Variants in NRXN1 observed in about 807,000 individuals in gnomAD.
The protein encoded by NRXN1 is neurexin-1.
A neutral mutation model predicts 150.9 loss-of-function variants in NRXN1; 39 were observed. The observed-to-expected ratio is 0.26, with a 90% CI of 0.20 to 0.34. The LOEUF is 0.34. Among genes scored for constraint, NRXN1 ranks in the 10% least tolerant of loss-of-function variants. The probability of loss-of-function intolerance (pLI) is 1.00; values close to 1 mark genes in which losing one functional copy is unlikely to be tolerated. For synonymous variants in NRXN1, 924 were observed against 757.0 expected (o/e 1.22, Z -3.62); for missense variants, 1,815 against 1,949.9 (o/e 0.93, Z 1.30).
intron 21 of NRXN1, among the ~76,000 whole-genome samples, chr2:50,001,198 C>T (rs1372220574): frequency 6.6e-6 from 1 of 152,068 alleles, no homozygotes; most frequent in Non-Finnish European, 1.5e-5. Context: ...TTTCAGTGTC[C>T]TTATCACAAA....
intron 8 of NRXN1, among the ~76,000 whole-genome samples, chr2:50,606,155 CAGA>C (rs1677077384): frequency 6.9e-6 from 1 of 145,552 alleles, no homozygotes; most frequent in Non-Finnish European, 1.5e-5. Flanking sequence ...CAGGCTGAGG[CAGA>C]AGAATGGTTG....
intron 19 of NRXN1, among the ~76,000 whole-genome samples, chr2:50,089,620 T>C (rs2152694698): frequency 6.6e-6 from 1 of 152,030 alleles, no homozygotes; most frequent in Non-Finnish European, 1.5e-5. Context: ...GACCCCCATC[T>C]CTACAAAAAA....
intron 11 of NRXN1, among the ~76,000 whole-genome samples, chr2:50,530,853 T>C (rs2093082217): frequency 6.6e-6 from 1 of 152,198 alleles, no homozygotes; most frequent in African/African-American, 2.4e-5. Flanking sequence ...TAAGAAGACA[T>C]GCTTTTATTT....
intron 1 of NRXN1, among the ~76,000 whole-genome samples, 175 bp downstream of exon 1, chr2:51,031,806 C>A (rs959229117): frequency 2.0e-4 from 31 of 152,080 alleles, no homozygotes; most frequent in African/African-American, 7.2e-4. Flanking sequence ...TTCTTGCCAT[C>A]TATTTAAAAG....
At chr2:50,544,963 A>G (rs1347945361) in intron 9 of NRXN1, among the ~76,000 whole-genome samples, 1 of 152,178 alleles carries the variant, frequency 6.6e-6, no homozygotes, top group Non-Finnish European at 1.5e-5. Context: ...TTTGTTACAC[A>G]GTAATTGGTA....
intron 17 of NRXN1, among the ~76,000 whole-genome samples, chr2:50,456,315 C>T (rs1311985269): frequency 6.6e-6 from 1 of 152,038 alleles, no homozygotes; most frequent in Non-Finnish European, 1.5e-5. Context: ...CTCTATAGGC[C>T]TTTTTCTGAG....
intron 5 of NRXN1, among the ~76,000 whole-genome samples, chr2:50,867,155 G>A (rs1018983669): frequency 1.3e-4 from 20 of 151,802 alleles, no homozygotes; most frequent in Non-Finnish European, 2.8e-4. Context: ...TTCACTTGAT[G>A]CATAAAACCC....
At chr2:50,564,275 G>A (rs1022912559) in intron 8 of NRXN1, among the ~76,000 whole-genome samples, 3 of 152,166 alleles carry the variant, frequency 2.0e-5, no homozygotes, top group Admixed American at 6.5e-5. Flanking sequence ...AGTCATTACT[G>A]TTGCTATTAT....
rs200513636 is a variant in NRXN1 at position 50,437,767 on chromosome 2, A to G, written c.3364+27675T>C. Among the ~76,000 whole-genome samples the G allele has an allele frequency of 9.2e-5, 14 of 152,202 alleles. No individual in the cohort carries two copies. The East Asian group carries it at 2.3e-3, about 25-fold the overall frequency. ...AGGGAAGATTTTCTAAATTACTGAC[A>G]TTTTGGTTACTAATACAACGCTGGT... On this transcript the variant is annotated intron_variant, in intron 17 of 22. Transcript: ENST00000401669.
At chr2:50,850,724 A>T (rs906066340) in intron 5 of NRXN1, among the ~76,000 whole-genome samples, 18 of 146,682 alleles carry the variant, frequency 1.2e-4, no homozygotes, top group African/African-American at 4.4e-4. Flanking sequence ...AAAAATCAAT[A>T]TCAAAGATTA....
At chr2:50,529,761 A>T (rs941415006) in intron 11 of NRXN1, among the ~76,000 whole-genome samples, 4 of 152,150 alleles carry the variant, frequency 2.6e-5, no homozygotes, top group Non-Finnish European at 5.9e-5. Flanking sequence ...TACTGCATGC[A>T]ATTAGGCGAT....
chr2:50,033,035 T>C (rs143517716), intron 21 of NRXN1, among the ~76,000 whole-genome samples: 117 of 151,592 alleles, frequency 7.7e-4, no homozygotes, highest in African/African-American at 1.9e-3. Context: ...TATACACACA[T>C]ATATATATAA....
At chr2:51,002,645 T>C (rs907171285) in intron 2 of NRXN1, among the ~76,000 whole-genome samples, 1 of 151,902 alleles carries the variant, frequency 6.6e-6, no homozygotes, top group Non-Finnish European at 1.5e-5. Flanking sequence ...TCTGTAAATA[T>C]AACCGAATGA....
chr2:50,532,877 T>A (rs2093155501), intron 10 of NRXN1, among the ~76,000 whole-genome samples: 1 of 152,104 alleles, frequency 6.6e-6, no homozygotes, highest in Non-Finnish European at 1.5e-5. Flanking sequence ...TCAGTTTGCT[T>A]TCTCATTGGT....
At chr2:50,114,326 T>C (rs369807166) in intron 18 of NRXN1, among the ~76,000 whole-genome samples, 2 of 152,090 alleles carry the variant, frequency 1.3e-5, no homozygotes, top group Non-Finnish European at 2.9e-5. Flanking sequence ...ATAAACCTAG[T>C]AGAATGGCCA....
chr2:50,352,615 C>G (rs1222995638), intron 17 of NRXN1, among the ~76,000 whole-genome samples: 1 of 151,828 alleles, frequency 6.6e-6, no homozygotes, highest in Non-Finnish European at 1.5e-5. Context: ...TGAGTTTGAA[C>G]TGAGCGTCAG....
chr2:50,321,538 T>C (rs1314517632), intron 17 of NRXN1, among the ~76,000 whole-genome samples: 1 of 152,136 alleles, frequency 6.6e-6, no homozygotes, highest in Non-Finnish European at 1.5e-5. Flanking sequence ...GTAGTGAGAA[T>C]CAGGGAGACA....
At position 50,497,487 on chromosome 2, in the gene NRXN1, A is replaced by C; in HGVS notation, c.2725T>G (p.Phe909Val). The C allele has an allele frequency of 6.2e-7, 1 of 1,613,946 alleles. No individual in the cohort carries two copies. The highest frequency in any genetic ancestry group is 8.5e-7 in the Non-Finnish European group (1 of 1,179,848). The stretch of plus-strand genomic sequence containing the variant: ...GCAACATAGCTCGATTTGGTCTTGA[A>C]GGTGACAGGATCTGCTATGATGTTC... ...FRNIIADPVT[F>V]KTKSSYVALA... Residue 909 changes from phenylalanine (F) to valine (V), a missense_variant, in exon 14 of 23, where the codon TTC (phenylalanine) becomes GTC (valine). Physicochemically the swap from Phe to Val is conservative, Grantham distance 50. Transcript: ENST00000401669.
chr2:50,086,847 A>AGAGAGC (rs958617981), intron 19 of NRXN1, among the ~76,000 whole-genome samples: 222 of 150,802 alleles, frequency 1.5e-3, no homozygotes, highest in African/African-American at 5.2e-3. Flanking sequence ...AGAGAGAGAG[A>AGAGAGC]GAGCGAGCCG....
Sources: allele counts gnomAD v4.1 joint callset (sites outside exome capture counted in the v4.1 genomes callset), GRCh38; gene constraint gnomAD v4.1.1; transcripts MANE v1.5; gene names NCBI Gene and HGNC (gene_info 2026-07-23, HGNC 2026-07-21).